Variants in OVGP1 observed in about 807,000 individuals in gnomAD.
OVGP1 encodes the protein oviductal glycoprotein 1, also known as oviduct-specific glycoprotein.
A neutral mutation model predicts 48.2 loss-of-function variants in OVGP1; 26 were observed. The observed-to-expected ratio is 0.54, with a 90% CI of 0.40 to 0.75. The LOEUF (loss-of-function observed/expected upper bound fraction) is 0.75. Among genes scored for constraint, OVGP1 ranks in the 30% least tolerant of loss-of-function variants. The pLI is 0.00. For missense variants in OVGP1, 791 were observed against 820.6 expected (o/e 0.96, Z 0.44); for synonymous variants, 294 against 305.7 (o/e 0.96, Z 0.40).
Position 111,415,216 on chromosome 1 carries a change from C to G in OVGP1, c.1285G>C (p.Glu429Gln), listed in dbSNP as rs775654286. The change falls in exon 11 of 11, where the codon GAG becomes CAG. Residue 429 changes from glutamate to glutamine, a missense_variant. Transcript: ENST00000369732. The stretch of plus-strand genomic sequence containing the variant: ...CCGTGGATCTCAGTGACCCCAGCCT[C>G]TCCTCCTGGGGGCAAAATCTTACTA... ...TDSKILPPGG[E>Q]AGVTEIHGKC... 25 of 1,614,102 alleles carry G rather than the reference C, an allele frequency of 1.5e-5. No individual in the cohort carries two copies. In the Admixed American group the frequency reaches 1.7e-4, roughly 11 times the overall value.
rs751903793 is a variant in OVGP1, at chr1:111,414,446, TTC to T, written c.*16_*17del. ...AGAAAAGACAAGGGTTTTCCCTGGT[TTC>T]TGACACCAGAGGGGCTTAGGCTTCT... On this transcript the variant is annotated 3_prime_UTR_variant, in exon 11 of 11. Transcript: ENST00000369732. 1 of 1,581,548 alleles carries T rather than the reference TTC, an allele frequency of 6.3e-7. No individual in the cohort carries two copies. The highest frequency in any genetic ancestry group is 8.6e-7 in the Non-Finnish European group (1 of 1,163,416).
chr1:111,423,079 G>A (rs760981918), intron 5 of OVGP1, 28 bp from the exon 6 acceptor site: 2 of 1,613,350 alleles, frequency 1.2e-6, no homozygotes, highest in South Asian at 1.1e-5. Flanking sequence ...AAGACACAGA[G>A]AACTGGACAA....
At position 111,421,680 on chromosome 1, in the gene OVGP1, G is replaced by C. The variant is rs375364907; in HGVS notation, c.609-7C>G. ...ATTGATGAAATCCAGGAGTCTGTAA[G>C]GGGCAGGAGGAAGAGATATAAAGAC... is the stretch of plus-strand genomic sequence containing the variant. On this transcript the variant is annotated splice_region_variant and splice_polypyrimidine_tract_variant and intron_variant, in intron 6 of 10. Coordinates refer to ENST00000369732, the MANE Select transcript of OVGP1 (RefSeq NM_002557.4). 1 of 1,543,236 alleles carries C rather than the reference G, an allele frequency of 6.5e-7. No individual in the cohort carries two copies. The highest frequency in any genetic ancestry group is 2.2e-5 in the East Asian group (1 of 44,504).
chr1:111,416,322 C>T lies in OVGP1; in HGVS notation c.1156+1G>A, dbSNP rs1652134246. 1.3e-6 allele frequency: 2 copies of T among 1,577,760 alleles called. No individual in the cohort carries two copies. Among genetic ancestry groups the T allele is most frequent in the Non-Finnish European group, 1.7e-6 (2 of 1,158,136 alleles). On this transcript the variant is annotated splice_donor_variant, in intron 10 of 10. Coordinates refer to ENST00000369732, the MANE Select transcript of OVGP1 (RefSeq NM_002557.4). LOFTEE classifies it high-confidence loss of function. ...CCAGCTTCTAGGTCACAGCTACTTA[C>T]CAGCCCGCACCAGGATATCATTCAA...
At chr1:111,417,466 C>T (rs182379858) in intron 9 of OVGP1, among the ~76,000 whole-genome samples, 4 of 152,196 alleles carry the variant, frequency 2.6e-5, no homozygotes, top group Non-Finnish European at 5.9e-5. Context: ...AGCTGTGTGC[C>T]TTAGCCAAGT....
At chr1:111,425,992 C>T (rs1408734051) in intron 3 of OVGP1, among the ~76,000 whole-genome samples, 1 of 152,314 alleles carries the variant, frequency 6.6e-6, no homozygotes, top group East Asian at 1.9e-4. Context: ...AGCACCAACC[C>T]TGTGTGAGAC....
rs560544780 is a variant in OVGP1, at chr1:111,414,720, C to T, written c.1781G>A (p.Gly594Glu). 3.7e-6 allele frequency: 6 copies of T among 1,613,764 alleles called. No individual in the cohort carries two copies. Among genetic ancestry groups the T allele is most frequent in the African/African-American group, 2.7e-5 (2 of 75,042 alleles). ...TPEGQTMPLR[G>E]ENLTSEVGTH... ...GCCCACCTCAGAAGTCAAATTCTCCCCTCTTAAAGGCATAGTCTGCCCTTC... is the reference window on the plus strand; with the variant it reads ...GCCCACCTCAGAAGTCAAATTCTCCTCTCTTAAAGGCATAGTCTGCCCTTC... Residue 594 changes from glycine (G) to glutamate (E), a missense_variant, in exon 11 of 11, where the codon GGG becomes GAG. Transcript: ENST00000369732.
Position 111,421,379 on chromosome 1 carries a change from A to G in OVGP1, c.800T>C (p.Phe267Ser). Residue 267 changes from phenylalanine (F) to serine (S), a missense_variant, in exon 8 of 11, where the codon TTT (phenylalanine) becomes TCT (serine). Physicochemically the swap from Phe to Ser is radical, Grantham distance 155. Coordinates refer to ENST00000369732, the MANE Select transcript of OVGP1 (RefSeq NM_002557.4). ...ATTCTTAGAGGCTTTGAGGAGGCGA[A>G]AGGTACGTCCATAGGTGGGGATCCC... ...IMGIPTYGRT[F>S]RLLKASKNGL... is the part of the protein sequence containing the mutation. 6.2e-7 allele frequency: 1 copy of G among 1,614,086 alleles called. No homozygotes were observed.
At chr1:111,422,189 A>G (rs76038245) in intron 6 of OVGP1, among the ~76,000 whole-genome samples, 1,864 of 152,302 alleles carry the variant, frequency 0.012, 31 homozygotes, top group African/African-American at 0.042. Context: ...AGGTTAACTA[A>G]TTTGCCTAAT....
chr1:111,426,078 G>A (rs879739843), intron 3 of OVGP1, among the ~76,000 whole-genome samples: 4 of 152,150 alleles, frequency 2.6e-5, no homozygotes, highest in Non-Finnish European at 2.9e-5. Flanking sequence ...GGTAACAAAC[G>A]GTAATAAAAA....
rs995981407 is a variant in OVGP1, at chr1:111,426,921, A to C, written c.55+141T>G. 1.0e-5 allele frequency: 16 copies of C among 1,554,956 alleles called. No individual in the cohort carries two copies. In the Admixed American group the frequency reaches 2.9e-4, roughly 28 times the overall value. On this transcript the variant is annotated intron_variant, in intron 2 of 10. Transcript: ENST00000369732. Reference sequence around the variant, plus strand: ...GCGACACAAACAGCAGGTGACCAAAAATCCTCTGAGAAACTGTGTTGGATC... The same window carrying C: ...GCGACACAAACAGCAGGTGACCAAACATCCTCTGAGAAACTGTGTTGGATC...
At chr1:111,427,630 G>C in intron 1 of OVGP1, 67 bp downstream of exon 1, 1 of 1,573,342 alleles carries the variant, frequency 6.4e-7, no homozygotes, top group Non-Finnish European at 8.7e-7. Context: ...GCACCAGAGA[G>C]ATGACGAACT....
At chr1:111,415,503 T>C (rs1016099525) in intron 10 of OVGP1, among the ~76,000 whole-genome samples, 159 bp from the exon 11 acceptor site, 35 of 152,044 alleles carry the variant, frequency 2.3e-4, no homozygotes, top group Non-Finnish European at 4.9e-4. Context: ...ATAGATGAAA[T>C]CCCACCACAT....
chr1:111,426,306 T>C, intron 3 of OVGP1, 131 bp downstream of exon 3: 1 of 1,290,316 alleles, frequency 7.8e-7, no homozygotes, highest in South Asian at 1.4e-5. Flanking sequence ...GGGGGTGCTC[T>C]GGACCCCTAT....
chr1:111,421,488 T>A, intron 7 of OVGP1, 27 bp from the exon 8 acceptor site: 1 of 1,608,942 alleles, frequency 6.2e-7, no homozygotes. Context: ...TCCAGACTCC[T>A]CCTTGTTACT....
chr1:111,421,698 A>G lies in OVGP1; in HGVS notation c.609-25T>C, dbSNP rs771737705. The G allele has an allele frequency of 2.9e-5, 41 of 1,415,782 alleles. No homozygotes were observed. In the East Asian group the frequency reaches 8.0e-4, roughly 28 times the overall value. The allele number at this position is 1,415,782 out of a possible 1,614,324, so 87.7% of individuals were successfully genotyped here. A position where few individuals can be genotyped will look rare whatever the true frequency, so the allele number is the denominator to read the frequency against. On this transcript the variant is annotated intron_variant, in intron 6 of 10. Transcript: ENST00000369732. ...TCTGTAAGGGGCAGGAGGAAGAGAT[A>G]TAAAGACTGGGCTAGCCAGATTTTC...
In OVGP1 at chr1:111,415,154, TG is replaced by T; in HGVS notation, c.1346del (p.Thr449LysfsTer3). On this transcript the variant is annotated frameshift_variant, in exon 11 of 11. Coordinates refer to ENST00000369732, the MANE Select transcript of OVGP1 (RefSeq NM_002557.4). LOFTEE classifies it low-confidence loss of function (END_TRUNC). ...CENMTITPRG[T>X]TVTPTKETVS... ...CAGTTTCCTTTGTAGGGGTCACAGT[TG>T]TACCTCTAGGGGTTATAGTCATATT... The T allele has an allele frequency of 6.2e-7, 1 of 1,614,142 alleles. No individual in the cohort carries two copies. The highest frequency in any genetic ancestry group is 8.5e-7 in the Non-Finnish European group (1 of 1,179,994).
chr1:111,423,467 C>T, intron 5 of OVGP1, 76 bp downstream of exon 5: 1 of 1,486,420 alleles, frequency 6.7e-7, no homozygotes, highest in Non-Finnish European at 9.2e-7. Flanking sequence ...TGGACTTATG[C>T]TCTTCTCCTG....
rs1652096074 is a variant in OVGP1, at chr1:111,415,054, C to A, written c.1447G>T (p.Gly483Cys). 2 of 1,613,972 alleles carry A rather than the reference C, an allele frequency of 1.2e-6. No individual in the cohort carries two copies. Among genetic ancestry groups the A allele is most frequent in the Admixed American group, 3.3e-5 (2 of 60,004 alleles). The change falls in exon 11 of 11, where the codon GGT becomes TGT. Residue 483 changes from glycine (G) to cysteine (C), a missense_variant. Gly to Cys is a radical substitution (Grantham distance 159). Coordinates refer to ENST00000369732, the MANE Select transcript of OVGP1 (RefSeq NM_002557.4). ...ITGAMTMTSV[G>C]HQSMTPGEKA... ...TCTCCAGGGGTCATGGACTGATGAC[C>A]CACAGAAGTCATGGTCATTGCCCCA...
Sources: allele counts gnomAD v4.1 joint callset (sites outside exome capture counted in the v4.1 genomes callset), GRCh38; gene constraint gnomAD v4.1.1; transcripts MANE v1.5; gene names NCBI Gene and HGNC (gene_info 2026-07-23, HGNC 2026-07-21).